Variants in STXBP4 observed in about 807,000 individuals in gnomAD.
The protein encoded by STXBP4 is syntaxin binding protein 4.
In STXBP4, 55 loss-of-function variants were observed where a neutral mutation model predicts 76.1. The ratio of observed to expected loss-of-function variants is 0.72; its 90% CI spans 0.58 to 0.91. STXBP4 has a LOEUF of 0.91. STXBP4 is among the 40% of genes least tolerant of loss of function. The probability of loss-of-function intolerance (pLI) is 0.00; values close to 1 mark genes in which losing one functional copy is unlikely to be tolerated. For synonymous variants in STXBP4, 201 were observed against 220.2 expected (o/e 0.91, Z 0.77); for missense variants, 618 against 636.9 (o/e 0.97, Z 0.32).
Position 55,163,727 on chromosome 17 carries a change from G to A in STXBP4, c.*3816G>A, listed in dbSNP as rs1272384598. Reference sequence around the variant, plus strand: ...TCCCCCTAAACAACCTCTTAAAGGGGTAAGAAGTTAGGGGGTTGTTTATTA... The same window carrying A: ...TCCCCCTAAACAACCTCTTAAAGGGATAAGAAGTTAGGGGGTTGTTTATTA... On this transcript the variant is annotated 3_prime_UTR_variant, in exon 18 of 18. Coordinates refer to ENST00000376352, the MANE Select transcript of STXBP4 (RefSeq NM_178509.6). The A allele has an allele frequency of 6.6e-6, 1 of 152,362 alleles. No homozygotes were observed. Among genetic ancestry groups the A allele is most frequent in the Non-Finnish European group, 1.5e-5 (1 of 68,002 alleles). 9.4% of individuals were successfully genotyped at this position (152,362 alleles called of 1,614,324 possible).
chr17:55,016,126 C>T (rs73323237), intron 8 of STXBP4, among the ~76,000 whole-genome samples: 7,037 of 152,244 alleles, frequency 0.046, 569 homozygotes, highest in African/African-American at 0.16. Context: ...CACCCCTACT[C>T]ATTTTCCAAT....
At chr17:55,195,594 G>T in the STXBP4 span, among the ~76,000 whole-genome samples, 3 of 152,148 alleles carry the variant, frequency 2.0e-5, 1 homozygote, top group African/African-American at 7.2e-5. Context: ...CCACAGATGT[G>T]TACCACACAC....
intron 8 of STXBP4, among the ~76,000 whole-genome samples, chr17:55,023,431 T>C (rs2078349698): frequency 6.6e-6 from 1 of 152,182 alleles, no homozygotes; most frequent in Non-Finnish European, 1.5e-5. Context: ...AAACATAGCC[T>C]GAAAGTAATT....
chr17:55,206,540 C>T, the STXBP4 span, among the ~76,000 whole-genome samples: 1 of 152,072 alleles, frequency 6.6e-6, no homozygotes, highest in Non-Finnish European at 1.5e-5. Flanking sequence ...TTGTTGATGA[C>T]TCCAACAGGG....
the STXBP4 span, among the ~76,000 whole-genome samples, chr17:55,199,801 C>T: frequency 1.3e-4 from 20 of 152,248 alleles, no homozygotes; most frequent in Admixed American, 2.6e-4. Context: ...AATAAATTAC[C>T]AAGGCCCGGC....
chr17:55,005,831 A>G (rs2077996479), intron 7 of STXBP4, among the ~76,000 whole-genome samples: 1 of 152,242 alleles, frequency 6.6e-6, no homozygotes, highest in South Asian at 2.1e-4. Context: ...AAATAAAGTT[A>G]TCTGCTGGTT....
At chr17:55,092,647 C>T (rs2079430149) in intron 16 of STXBP4, among the ~76,000 whole-genome samples, 1 of 152,160 alleles carries the variant, frequency 6.6e-6, no homozygotes, top group Non-Finnish European at 1.5e-5. Context: ...TATCTGAAAT[C>T]AGCAATATAT....
chr17:55,116,257 C>G (rs1567769330), intron 16 of STXBP4, among the ~76,000 whole-genome samples: 1 of 151,768 alleles, frequency 6.6e-6, no homozygotes, highest in Non-Finnish European at 1.5e-5. Context: ...AATGTTTTAT[C>G]ATCGAAATAT....
rs755907589 is a variant in STXBP4, at chr17:55,168,534, A to G, written c.*8623A>G. ...ACTGAAAATGAAAAAAAGATTTAAA[A>G]TATGACTTAGTAGTTAGAATTTTTA... is the stretch of plus-strand genomic sequence containing the variant. On this transcript the variant is annotated 3_prime_UTR_variant, in exon 18 of 18. Coordinates refer to ENST00000376352, the MANE Select transcript of STXBP4 (RefSeq NM_178509.6). 1.1e-4 allele frequency: 17 copies of G among 152,196 alleles called. No individual in the cohort carries two copies. Among genetic ancestry groups the G allele is most frequent in the Admixed American group, 1.3e-4 (2 of 15,284 alleles). 9.4% of individuals were successfully genotyped at this position (152,196 alleles called of 1,614,324 possible).
intron 16 of STXBP4, among the ~76,000 whole-genome samples, chr17:55,082,205 A>G (rs541479694): frequency 1.3e-5 from 2 of 152,296 alleles, no homozygotes; most frequent in South Asian, 2.1e-4. Flanking sequence ...CTGCACCTAA[A>G]CAGAGAATCA....
chr17:55,059,847 A>G (rs963911762), intron 12 of STXBP4, among the ~76,000 whole-genome samples: 1 of 152,130 alleles, frequency 6.6e-6, no homozygotes, highest in Non-Finnish European at 1.5e-5. Context: ...AAAAAGGTCT[A>G]TGCAGAAGAC....
intron 8 of STXBP4, among the ~76,000 whole-genome samples, chr17:55,023,439 A>C (rs1856835616): frequency 1.3e-5 from 2 of 152,230 alleles, no homozygotes; most frequent in Admixed American, 1.3e-4. Flanking sequence ...CCTGAAAGTA[A>C]TTTTATATAA....
chr17:54,996,616 T>A (rs553294451), intron 4 of STXBP4, among the ~76,000 whole-genome samples: 1 of 152,202 alleles, frequency 6.6e-6, no homozygotes, highest in African/African-American at 2.4e-5. Flanking sequence ...GTGTTACATA[T>A]ATTTATCCCC....
chr17:55,023,219 T>G (rs1253919615), intron 8 of STXBP4, among the ~76,000 whole-genome samples: 1 of 152,228 alleles, frequency 6.6e-6, no homozygotes, highest in Non-Finnish European at 1.5e-5. Context: ...GAACTTCTAA[T>G]TCTGGCAACA....
rs563647514 is a variant in STXBP4, at chr17:54,982,251, A to G, written c.-156-3363A>G. Among the ~76,000 whole-genome samples, 5 of 152,240 alleles carry G rather than the reference A, an allele frequency of 3.3e-5. No homozygotes were observed. The East Asian group carries it at 7.7e-4, about 23-fold the overall frequency. On this transcript the variant is annotated intron_variant, in intron 1 of 17. Transcript: ENST00000376352. ...ATTGAATACCATGTCTGAGAATATA[A>G]ATTACTAAGTCTTACTCAAACACCA...
intron 16 of STXBP4, among the ~76,000 whole-genome samples, chr17:55,108,574 G>A (rs561550152): frequency 1.3e-5 from 2 of 152,192 alleles, no homozygotes; most frequent in East Asian, 1.9e-4. Flanking sequence ...TGTGGGTTGC[G>A]AAGACTGTGG....
intron 4 of STXBP4, chr17:54,991,416 C>G (rs1758152861): frequency 6.6e-6 from 1 of 152,152 alleles, no homozygotes; most frequent in Admixed American, 6.5e-5. Context: ...TGAGTTTTAT[C>G]ACTCATTAAA....
chr17:55,042,910 A>C (rs756514690), intron 10 of STXBP4, among the ~76,000 whole-genome samples: 3 of 152,166 alleles, frequency 2.0e-5, no homozygotes, highest in Non-Finnish European at 2.9e-5. Flanking sequence ...GGAATAGTTT[A>C]TGTTGGTAAT....
chr17:55,185,451 G>A, the STXBP4 span, among the ~76,000 whole-genome samples: 7 of 149,374 alleles, frequency 4.7e-5, no homozygotes, highest in South Asian at 2.1e-4. Flanking sequence ...GTGTGTGTAC[G>A]TGTGTGTGTG....
Sources: allele counts gnomAD v4.1 joint callset (sites outside exome capture counted in the v4.1 genomes callset), GRCh38; gene constraint gnomAD v4.1.1; transcripts MANE v1.5; gene names NCBI Gene and HGNC (gene_info 2026-07-23, HGNC 2026-07-21).